Variants in AKAP13 observed in about 807,000 individuals in gnomAD.
AKAP13 encodes the protein A-kinase anchoring protein 13.
AKAP13 carries 80 observed loss-of-function variants against 264.5 expected under a neutral mutation model. The ratio of observed to expected loss-of-function variants is 0.30; its 90% CI spans 0.25 to 0.36. The LOEUF is 0.36. Ranked by LOEUF, AKAP13 falls within the 10% of genes least tolerant of loss-of-function variation. The pLI, the probability that AKAP13 is intolerant of heterozygous loss-of-function variation, is 1.00. For synonymous variants in AKAP13, 1,380 were observed against 1,250.2 expected (o/e 1.10, Z -2.19); for missense variants, 3,712 against 3,435.2 (o/e 1.08, Z -2.01).
chr15:85,469,204 C>T (rs1425816003), intron 1 of AKAP13, among the ~76,000 whole-genome samples: 7 of 150,372 alleles, frequency 4.7e-5, no homozygotes, highest in Non-Finnish European at 7.4e-5. Context: ...CGTGAGCCAC[C>T]GCACCAGGCC....
intron 5 of AKAP13, among the ~76,000 whole-genome samples, chr15:85,558,923 T>A (rs2078247633): frequency 6.6e-6 from 1 of 151,996 alleles, no homozygotes; most frequent in Non-Finnish European, 1.5e-5. Flanking sequence ...TGTGTACTCC[T>A]CCCTTCCCTT....
chr15:85,496,281 C>T (rs549213122), intron 2 of AKAP13, among the ~76,000 whole-genome samples: 1 of 152,226 alleles, frequency 6.6e-6, no homozygotes, highest in South Asian at 2.1e-4. Flanking sequence ...AAAAGCTTAT[C>T]AGAGTGATTT....
At chr15:85,573,113 C>G (rs1190077122) in intron 5 of AKAP13, among the ~76,000 whole-genome samples, 1 of 152,142 alleles carries the variant, frequency 6.6e-6, no homozygotes, top group African/African-American at 2.4e-5. Flanking sequence ...ACTGGAGAGA[C>G]AGTTGAAGTA....
At chr15:85,661,958 A>G (rs338544) in intron 12 of AKAP13, among the ~76,000 whole-genome samples, 21,468 of 151,090 alleles carry the variant, frequency 0.14, 2,654 homozygotes, top group East Asian at 0.37. Flanking sequence ...ACAGTTTGTC[A>G]CTGTCTCTTT....
At position 85,487,960 on chromosome 15, in the gene AKAP13, C is replaced by T. The variant is rs542294521; in HGVS notation, c.33+2207C>T. 2.2e-4 allele frequency among the ~76,000 whole-genome samples: 33 copies of T among 152,212 alleles called. No individual in the cohort carries two copies. The South Asian group carries it at 4.6e-3, about 21-fold the overall frequency. Reference sequence around the variant, plus strand: ...TCACCCAGGCTGGAGTGCAGTGGCGCGACCATGACTCACTGTAGCTGCGAT... The same window carrying T: ...TCACCCAGGCTGGAGTGCAGTGGCGTGACCATGACTCACTGTAGCTGCGAT... On this transcript the variant is annotated intron_variant, in intron 2 of 36. Coordinates refer to ENST00000394518, the MANE Select transcript of AKAP13 (RefSeq NM_007200.5).
intron 1 of AKAP13, among the ~76,000 whole-genome samples, chr15:85,431,667 A>G (rs17553006): frequency 0.25 from 38,349 of 151,952 alleles, 6,438 homozygotes; most frequent in Non-Finnish European, 0.37. Context: ...CCTAAAGTCA[A>G]CTCTTCCCAG....
chr15:85,442,750 T>C (rs2073755095), intron 1 of AKAP13, among the ~76,000 whole-genome samples: 2 of 151,700 alleles, frequency 1.3e-5, no homozygotes, highest in Admixed American at 1.3e-4. Context: ...TTTTGTGCAA[T>C]TGAAATAGGG....
chr15:85,639,529 C>T (rs2082209806), intron 9 of AKAP13, 80 bp downstream of exon 9: 2 of 1,032,874 alleles, frequency 1.9e-6, no homozygotes, highest in Non-Finnish European at 3.0e-6. Context: ...TCTGCCCTTC[C>T]TTAGCATGTT....
At chr15:85,446,779 C>T (rs1241377131) in intron 1 of AKAP13, among the ~76,000 whole-genome samples, 1 of 146,284 alleles carries the variant, frequency 6.8e-6, no homozygotes, top group East Asian at 2.0e-4. Flanking sequence ...TCTTAAAGCT[C>T]TAGTCCAGGC....
At chr15:85,447,259 C>T (rs1283253768) in intron 1 of AKAP13, among the ~76,000 whole-genome samples, 1 of 151,506 alleles carries the variant, frequency 6.6e-6, no homozygotes, top group Non-Finnish European at 1.5e-5. Context: ...GAGTGAGATT[C>T]CATCTCAAAA....
intron 5 of AKAP13, among the ~76,000 whole-genome samples, chr15:85,559,909 TC>T (rs1275593342): frequency 6.6e-6 from 1 of 151,986 alleles, no homozygotes; most frequent in Admixed American, 6.6e-5. Context: ...ATGCTCTAAG[TC>T]ATCTGGGGGG....
At chr15:85,437,395 G>A (rs1375949111) in intron 1 of AKAP13, among the ~76,000 whole-genome samples, 2 of 152,164 alleles carry the variant, frequency 1.3e-5, no homozygotes, top group South Asian at 2.1e-4. Context: ...AGAGACACAA[G>A]GAGGAACTGG....
At chr15:85,390,986 G>T (rs1015253907) in intron 1 of AKAP13, among the ~76,000 whole-genome samples, 6 of 152,156 alleles carry the variant, frequency 3.9e-5, no homozygotes, top group Admixed American at 3.3e-4. Flanking sequence ...TGATGGTCTG[G>T]ACTGGGTGTA....
chr15:85,460,227 C>G (rs910321338), intron 1 of AKAP13, among the ~76,000 whole-genome samples: 2 of 152,208 alleles, frequency 1.3e-5, no homozygotes, highest in African/African-American at 4.8e-5. Context: ...CACACACACA[C>G]TCACCAAGCT....
At chr15:85,707,443 T>C (rs1311346434) in intron 17 of AKAP13, among the ~76,000 whole-genome samples, 1 of 152,200 alleles carries the variant, frequency 6.6e-6, no homozygotes, top group Non-Finnish European at 1.5e-5. Flanking sequence ...TCATGTGTGG[T>C]TCCTGTCTCA....
chr15:85,650,785 A>C (rs867992835), intron 10 of AKAP13, among the ~76,000 whole-genome samples: 36 of 136,278 alleles, frequency 2.6e-4, no homozygotes, highest in African/African-American at 7.8e-4. Context: ...AAAAAAAAAA[A>C]AAAAACAACA....
At chr15:85,537,450 C>G (rs2077438938) in intron 4 of AKAP13, among the ~76,000 whole-genome samples, 1 of 152,184 alleles carries the variant, frequency 6.6e-6, no homozygotes, top group African/African-American at 2.4e-5. Flanking sequence ...GGCTAATCCT[C>G]CTACTGTTTT....
chr15:85,583,974 T>C (rs1259578449), intron 7 of AKAP13, among the ~76,000 whole-genome samples: 2 of 152,138 alleles, frequency 1.3e-5, no homozygotes, highest in Non-Finnish European at 2.9e-5. Flanking sequence ...AACTCTGTAT[T>C]GATGGTCTCA....
chr15:85,743,867 G>T, intron 36 of AKAP13, 42 bp downstream of exon 36: 9 of 1,559,026 alleles, frequency 5.8e-6, no homozygotes, highest in Non-Finnish European at 7.8e-6. Flanking sequence ...CATAGTGTCT[G>T]TGCATTCTGA....
Sources: allele counts gnomAD v4.1 joint callset (sites outside exome capture counted in the v4.1 genomes callset), GRCh38; gene constraint gnomAD v4.1.1; transcripts MANE v1.5; gene names NCBI Gene and HGNC (gene_info 2026-07-23, HGNC 2026-07-21).